Variants in RBFOX1 observed in about 807,000 individuals in gnomAD.
RBFOX1 encodes the protein RNA binding fox-1 homolog 1.
In RBFOX1, 8 loss-of-function variants were observed where a neutral mutation model predicts 57.7. The ratio of observed to expected loss-of-function variants is 0.14; its 90% confidence interval spans 0.08 to 0.25. RBFOX1 has a LOEUF of 0.25. Among genes scored for constraint, RBFOX1 ranks in the 10% least tolerant of loss-of-function variants. The pLI is 1.00. For synonymous variants in RBFOX1, 326 were observed against 222.4 expected, an observed-to-expected ratio of 1.47 and a Z score of -4.15; for missense variants, 611 against 548.5, an observed-to-expected ratio of 1.11 and a Z score of -1.14.
intron 3 of RBFOX1, among the ~76,000 whole-genome samples, chr16:6,967,171 A>G (rs918978811): frequency 1.4e-4 from 21 of 151,928 alleles, no homozygotes; most frequent in African/African-American, 4.8e-4. Flanking sequence ...GTGTTTGTAC[A>G]TTCACACATC....
chr16:7,263,524 C>A (rs1165845301), intron 4 of RBFOX1, among the ~76,000 whole-genome samples: 1 of 152,034 alleles, frequency 6.6e-6, no homozygotes, highest in Admixed American at 6.6e-5. Context: ...TATTGTAGTT[C>A]CTTAGGTGCT....
At chr16:7,134,192 C>G (rs1374834403) in intron 4 of RBFOX1, among the ~76,000 whole-genome samples, 1 of 151,984 alleles carries the variant, frequency 6.6e-6, no homozygotes, top group African/African-American at 2.4e-5. Context: ...CAGTAAAGGT[C>G]CAGATGAAAT....
intron 3 of RBFOX1, among the ~76,000 whole-genome samples, chr16:5,720,482 C>T (rs968338829): frequency 6.6e-6 from 1 of 152,086 alleles, no homozygotes; most frequent in Non-Finnish European, 1.5e-5. Context: ...GTAGTTTGTG[C>T]TTTTATTGTC....
intron 1 of RBFOX1, among the ~76,000 whole-genome samples, chr16:6,211,228 CT>C (rs990122299): frequency 0.023 from 2,187 of 96,736 alleles, 12 homozygotes; most frequent in Non-Finnish European, 0.026. Context: ...ATCTAGTTAA[CT>C]TTTTTTTTTT....
intron 2 of RBFOX1, among the ~76,000 whole-genome samples, chr16:5,482,210 A>G (rs1288684511): frequency 6.6e-6 from 1 of 152,164 alleles, no homozygotes; most frequent in African/African-American, 2.4e-5. Flanking sequence ...CAGATGAGCC[A>G]TGGAGCATCC....
chr16:5,842,696 T>G (rs1283611151), intron 3 of RBFOX1, among the ~76,000 whole-genome samples: 1 of 152,246 alleles, frequency 6.6e-6, no homozygotes, highest in Non-Finnish European at 1.5e-5. Context: ...AATGTACCTC[T>G]AAGCAAGTAA....
intron 4 of RBFOX1, among the ~76,000 whole-genome samples, chr16:7,067,102 G>A (rs1046975051): frequency 1.3e-5 from 2 of 152,172 alleles, no homozygotes; most frequent in Admixed American, 1.3e-4. Flanking sequence ...ATATCTGAAG[G>A]GGAACTCATA....
At chr16:6,772,885 G>A (rs1159353381) in intron 3 of RBFOX1, among the ~76,000 whole-genome samples, 2 of 148,654 alleles carry the variant, frequency 1.3e-5, no homozygotes, top group African/African-American at 5.0e-5. Flanking sequence ...TGTGGGCGTG[G>A]GGTGCATTTG....
chr16:5,950,383 A>G (rs2059495252), intron 4 of RBFOX1, among the ~76,000 whole-genome samples: 1 of 152,180 alleles, frequency 6.6e-6, no homozygotes, highest in Admixed American at 6.5e-5. Context: ...TTTAGCACCC[A>G]CTTATGATAC....
At chr16:6,210,361 CAA>C (rs3064933) in intron 1 of RBFOX1, among the ~76,000 whole-genome samples, 924 of 61,432 alleles carry the variant, frequency 0.015, 32 homozygotes, top group African/African-American at 0.022. Context: ...AAAAAAACAC[CAA>C]AAAAAAAAAA....
intron 2 of RBFOX1, among the ~76,000 whole-genome samples, chr16:5,581,634 A>G (rs1300023609): frequency 6.6e-6 from 1 of 152,212 alleles, no homozygotes; most frequent in Non-Finnish European, 1.5e-5. Context: ...TGATGTCTGG[A>G]CTTTGACATG....
chr16:5,543,564 A>T (rs1242753680), intron 2 of RBFOX1, among the ~76,000 whole-genome samples: 1 of 152,212 alleles, frequency 6.6e-6, no homozygotes, highest in African/African-American at 2.4e-5. Context: ...GGAATTTAAT[A>T]TATGTGTAGA....
chr16:7,390,530 T>C (rs1011435586), intron 4 of RBFOX1, among the ~76,000 whole-genome samples: 23 of 152,198 alleles, frequency 1.5e-4, no homozygotes, highest in African/African-American at 5.3e-4. Context: ...TTGTAAAGAC[T>C]GAATGAGAAA....
intron 3 of RBFOX1, among the ~76,000 whole-genome samples, chr16:7,038,619 G>A (rs1327955185): frequency 2.0e-5 from 3 of 152,140 alleles, no homozygotes; most frequent in Admixed American, 6.5e-5. Flanking sequence ...ATGGCCAGGG[G>A]CTGCCCTTTC....
chr16:7,079,497 C>T (rs995117667), intron 4 of RBFOX1, among the ~76,000 whole-genome samples: 6 of 152,198 alleles, frequency 3.9e-5, no homozygotes, highest in Non-Finnish European at 8.8e-5. Context: ...TATTCAGCAA[C>T]TCACAGTCCT....
chr16:7,186,213 A>AATATTTATATAAACATAAAC (rs1345383921), intron 4 of RBFOX1, among the ~76,000 whole-genome samples: 25 of 146,864 alleles, frequency 1.7e-4, no homozygotes, highest in East Asian at 4.0e-4. Context: ...TGTGTATATA[A>AATATTTATATAAACATAAAC]ATATTTATAT....
chr16:5,848,257 A>C (rs1305718349), intron 3 of RBFOX1, among the ~76,000 whole-genome samples: 3 of 152,160 alleles, frequency 2.0e-5, no homozygotes, highest in East Asian at 3.9e-4. Flanking sequence ...ATTTCTGTAC[A>C]TAAGGTGGTT....
intron 4 of RBFOX1, among the ~76,000 whole-genome samples, chr16:7,340,265 C>G (rs905824600): frequency 2.8e-4 from 42 of 152,330 alleles, no homozygotes; most frequent in African/African-American, 9.6e-4. Context: ...ACATTCAAAC[C>G]TGTGCTTTCT....
chr16:6,638,936 G>T (rs991954505), intron 2 of RBFOX1, among the ~76,000 whole-genome samples: 13 of 152,110 alleles, frequency 8.5e-5, no homozygotes, highest in Non-Finnish European at 1.5e-4. Context: ...AAATGCCAAG[G>T]TCACAGGGAC....
Sources: gnomAD v4.1 joint callset for allele counts (sites outside exome capture counted in the v4.1 genomes callset) on GRCh38, gnomAD v4.1.1 for gene constraint, MANE v1.5 for transcripts, NCBI Gene and HGNC (gene_info 2026-07-23, HGNC 2026-07-21) for gene names.